AQR: variants seen among roughly 807,000 people sequenced by gnomAD.
The protein encoded by AQR is aquarius intron-binding spliceosomal factor.
Under a neutral mutation model 180.5 loss-of-function variants are expected in AQR, and 61 were observed. The observed-to-expected ratio is 0.34, with a 90% CI of 0.28 to 0.42. AQR has a LOEUF of 0.42. AQR is among the 10% of genes least tolerant of loss of function. AQR has a pLI of 1.00. For synonymous variants in AQR, 551 were observed against 588.8 expected, an observed-to-expected ratio of 0.94 and a Z score of 0.93; for missense variants, 1,281 against 1,798.3, an observed-to-expected ratio of 0.71 and a Z score of 5.20.
intron 17 of AQR, 139 bp from the exon 18 acceptor site, chr15:34,906,851 G>T: frequency 1.4e-6 from 1 of 737,754 alleles, no homozygotes; most frequent in Non-Finnish European, 2.1e-6. Flanking sequence ...TTATCGCATT[G>T]TAACACAATT....
chr15:34,951,776 G>T (rs767059968), intron 4 of AQR, among the ~76,000 whole-genome samples: 2 of 151,830 alleles, frequency 1.3e-5, no homozygotes, highest in African/African-American at 2.4e-5. Flanking sequence ...TAGAATTCTG[G>T]TTAATTCTAA....
intron 18 of AQR, 47 bp from the exon 19 acceptor site, chr15:34,904,552 A>T (rs765809493): frequency 1.3e-6 from 2 of 1,512,046 alleles, no homozygotes; most frequent in Admixed American, 4.0e-5. Flanking sequence ...TATTTTTCAA[A>T]TATCAAAATA....
intron 23 of AQR, among the ~76,000 whole-genome samples, chr15:34,891,505 T>C (rs1251877941): frequency 6.6e-6 from 1 of 152,170 alleles, no homozygotes; most frequent in East Asian, 1.9e-4. Context: ...GGAAATGATT[T>C]GAATTTCAAA....
chr15:34,932,457 C>T (rs1893879198), intron 10 of AQR, 23 bp from the exon 11 acceptor site: 1 of 1,491,298 alleles, frequency 6.7e-7, no homozygotes, highest in East Asian at 2.3e-5. Flanking sequence ...AACATCATAA[C>T]AGTAAGTTTG....
At chr15:34,899,213 A>G (rs1283454479) in intron 20 of AQR, among the ~76,000 whole-genome samples, 1 of 152,034 alleles carries the variant, frequency 6.6e-6, no homozygotes, top group Non-Finnish European at 1.5e-5. Flanking sequence ...TCAAGGCAGA[A>G]TCTCTGAGAT....
intron 34 of AQR, among the ~76,000 whole-genome samples, chr15:34,857,913 T>C (rs543641731): frequency 7.2e-4 from 109 of 152,340 alleles, no homozygotes; most frequent in Non-Finnish European, 6.0e-4. Flanking sequence ...CTTTGCCCCA[T>C]GGCAGTCTAG....
At chr15:34,947,620 T>A (rs1894150717) in intron 5 of AQR, among the ~76,000 whole-genome samples, 1 of 151,850 alleles carries the variant, frequency 6.6e-6, no homozygotes, top group African/African-American at 2.4e-5. Flanking sequence ...AATATCTCAT[T>A]TGAACATTAT....
At chr15:34,874,069 G>C in intron 29 of AQR, 70 bp from the exon 30 acceptor site, 1 of 1,352,754 alleles carries the variant, frequency 7.4e-7, no homozygotes, top group Non-Finnish European at 9.7e-7. Context: ...ATATACATAA[G>C]GAGGTTTCTG....
chr15:34,914,690 T>C (rs942517243), intron 16 of AQR, among the ~76,000 whole-genome samples: 34 of 152,152 alleles, frequency 2.2e-4, no homozygotes, highest in African/African-American at 7.7e-4. Context: ...TGTTCTGACC[T>C]AGTACGGGCC....
intron 33 of AQR, among the ~76,000 whole-genome samples, chr15:34,860,366 G>A (rs1260273465): frequency 1.3e-5 from 2 of 151,662 alleles, no homozygotes; most frequent in Non-Finnish European, 2.9e-5. Flanking sequence ...TAAAAAGGGG[G>A]CCCAGGTCAG....
chr15:34,865,029 G>A (rs1475004759), intron 32 of AQR, among the ~76,000 whole-genome samples: 2 of 151,950 alleles, frequency 1.3e-5, no homozygotes, highest in Non-Finnish European at 2.9e-5. Flanking sequence ...CAAATACTAC[G>A]AACATAACAA....
At chr15:34,900,937 C>T in intron 19 of AQR, 74 bp from the exon 20 acceptor site, 1 of 1,492,498 alleles carries the variant, frequency 6.7e-7, no homozygotes, top group Non-Finnish European at 8.9e-7. Flanking sequence ...GAATGCAGAG[C>T]TGGCTGCACT....
intron 32 of AQR, among the ~76,000 whole-genome samples, chr15:34,864,983 A>G (rs1892721392): frequency 6.6e-6 from 1 of 152,192 alleles, no homozygotes; most frequent in Non-Finnish European, 1.5e-5. Context: ...CTGACAAACA[A>G]TGGATGGATC....
chr15:34,887,718 A>C (rs1893083885), intron 24 of AQR, among the ~76,000 whole-genome samples: 1 of 152,226 alleles, frequency 6.6e-6, no homozygotes, highest in South Asian at 2.1e-4. Context: ...CCATGTTTAA[A>C]GACTCAACAA....
At chr15:34,952,570 AG>A (rs1431949872) in intron 4 of AQR, among the ~76,000 whole-genome samples, 1 of 152,214 alleles carries the variant, frequency 6.6e-6, no homozygotes, top group Non-Finnish European at 1.5e-5. Context: ...CTTGGCAGGG[AG>A]AAAAAGTGGC....
chr15:34,948,878 A>G (rs981349825), intron 4 of AQR, among the ~76,000 whole-genome samples: 2 of 152,198 alleles, frequency 1.3e-5, no homozygotes, highest in Non-Finnish European at 1.5e-5. Flanking sequence ...ATTTATATAT[A>G]GAAAATACAG....
intron 24 of AQR, among the ~76,000 whole-genome samples, chr15:34,889,023 CT>C (rs1175108268): frequency 2.0e-5 from 3 of 152,138 alleles, no homozygotes; most frequent in East Asian, 1.9e-4. Flanking sequence ...AATTCTACCC[CT>C]ATTCTAATAT....
chr15:34,871,001 A>C, intron 30 of AQR, 79 bp from the exon 31 acceptor site: 1 of 1,437,172 alleles, frequency 7.0e-7, no homozygotes, highest in Non-Finnish European at 9.5e-7. Flanking sequence ...CATCTAGATA[A>C]GCAAAACTTG....
In AQR at chr15:34,969,661, G is replaced by C; in HGVS notation, c.-48C>G. The stretch of plus-strand genomic sequence containing the variant: ...CAGTGGAAACTAAAGGACCGCTCTG[G>C]GCAGCGGCAACCCTGGTCCACTTCC... On this transcript the variant is annotated 5_prime_UTR_variant, in exon 1 of 35. Coordinates refer to ENST00000156471, the MANE Select transcript of AQR (RefSeq NM_014691.3). 6.3e-7 allele frequency: 1 copy of C among 1,589,552 alleles called. No individual in the cohort carries two copies.
Sources: gnomAD v4.1 joint callset for allele counts (sites outside exome capture counted in the v4.1 genomes callset) on GRCh38, gnomAD v4.1.1 for gene constraint, MANE v1.5 for transcripts, NCBI Gene and HGNC (gene_info 2026-07-23, HGNC 2026-07-21) for gene names.